The following CSNK2A1 variants were observed in gnomAD, a reference collection of about 807,000 sequenced individuals.
CSNK2A1 encodes the protein casein kinase 2 alpha 1.
CSNK2A1 carries 10 observed loss-of-function variants against 62.9 expected under a neutral mutation model. That is an observed-to-expected ratio of 0.16 (90% CI 0.10 to 0.27). The LOEUF is 0.27. Ranked by LOEUF, CSNK2A1 falls within the 10% of genes least tolerant of loss-of-function variation. The probability of loss-of-function intolerance (pLI) is 1.00; values close to 1 mark genes in which losing one functional copy is unlikely to be tolerated. For synonymous variants in CSNK2A1, 124 were observed against 167.8 expected, an observed-to-expected ratio of 0.74 and a Z score of 2.02; for missense variants, 160 against 492.0, an observed-to-expected ratio of 0.33 and a Z score of 6.38.
chr20:486,284 A>G, intron 13 of CSNK2A1, 92 bp downstream of exon 13: 1 of 1,456,650 alleles, frequency 6.9e-7, no homozygotes, highest in Non-Finnish European at 9.4e-7. Flanking sequence ...ACCAGTACGG[A>G]GAAGAGAAGG....
chr20:492,411 C>T (rs764750061), intron 8 of CSNK2A1, 47 bp from the exon 9 acceptor site: 2 of 1,576,254 alleles, frequency 1.3e-6, no homozygotes, highest in African/African-American at 2.7e-5. Flanking sequence ...TCTAAGCTAC[C>T]CACACTGTGC....
chr20:521,629 T>C (rs1226421866), intron 2 of CSNK2A1, among the ~76,000 whole-genome samples: 3 of 152,226 alleles, frequency 2.0e-5, no homozygotes, highest in African/African-American at 7.2e-5. Flanking sequence ...GCTTTATTCA[T>C]AATTGTGAAA....
At chr20:536,234 TA>T (rs1047225506) in intron 1 of CSNK2A1, among the ~76,000 whole-genome samples, 2 of 151,882 alleles carry the variant, frequency 1.3e-5, no homozygotes, top group African/African-American at 4.8e-5. Flanking sequence ...AAAGTCTCAT[TA>T]AAAAAATAAG....
rs138045657 is a variant in CSNK2A1, at chr20:512,806, T to C, written c.-109-4146A>G. Among the ~76,000 whole-genome samples the C allele has an allele frequency of 6.2e-4, 94 of 152,372 alleles. 1 individual carries two copies. Among genetic ancestry groups the C allele is most frequent in the Middle Eastern group, 3.4e-3 (1 of 294 alleles). On this transcript the variant is annotated intron_variant, in intron 2 of 13. Transcript: ENST00000217244. Reference sequence around the variant, plus strand: ...AGTCTTTAAAATTATTTCTATTTCTTTGATTTTGTAAAACCTGGGTGACAT... The same window carrying C: ...AGTCTTTAAAATTATTTCTATTTCTCTGATTTTGTAAAACCTGGGTGACAT...
chr20:542,149 A>G (rs1031454665), intron 1 of CSNK2A1, among the ~76,000 whole-genome samples: 2 of 152,248 alleles, frequency 1.3e-5, no homozygotes, highest in African/African-American at 4.8e-5. Flanking sequence ...TTACAGTGAC[A>G]GGTAAAAGCT....
intron 2 of CSNK2A1, among the ~76,000 whole-genome samples, chr20:513,839 A>T (rs2018773634): frequency 6.6e-6 from 1 of 152,216 alleles, no homozygotes; most frequent in East Asian, 1.9e-4. Context: ...TGGGAAGACA[A>T]CAAGCTAACT....
chr20:519,508 G>A (rs1275406952), intron 2 of CSNK2A1, among the ~76,000 whole-genome samples: 3 of 152,226 alleles, frequency 2.0e-5, no homozygotes, highest in Non-Finnish European at 2.9e-5. Flanking sequence ...GTGCCCAGGA[G>A]TTGGAGGCCA....
Position 482,416 on chromosome 20 carries a change from A to T in CSNK2A1, c.*1545T>A, listed in dbSNP as rs1039027622. On this transcript the variant is annotated 3_prime_UTR_variant, in exon 14 of 14. Transcript: ENST00000217244. ...AAGTCCACTTTACACACACACACAA[A>T]CACACAAAAACTGGCGACTTTTTCC... The T allele has an allele frequency of 2.6e-5, 4 of 152,220 alleles. No homozygotes were observed. Among genetic ancestry groups the T allele is most frequent in the Non-Finnish European group, 5.9e-5 (4 of 68,054 alleles). 9.4% of individuals were successfully genotyped at this position (152,220 alleles called of 1,614,324 possible).
chr20:495,641 C>T lies in CSNK2A1; in HGVS notation c.510+78G>A, dbSNP rs157816. 0.39 allele frequency: 498,790 copies of T among 1,266,704 alleles called. 105,012 individuals are homozygous for T. Among genetic ancestry groups the T allele is most frequent in the East Asian group, 0.73 (31,491 of 43,012 alleles). 78.5% of individuals were successfully genotyped at this position (1,266,704 alleles called of 1,614,324 possible). ...GAATAGGTACTAGGGCCTGTGACAA[C>T]ACAAGGGATAAAGTGTTGAAGATGG... On this transcript the variant is annotated intron_variant, in intron 8 of 13. Coordinates refer to ENST00000217244, the MANE Select transcript of CSNK2A1 (RefSeq NM_177559.3).
At chr20:523,866 A>AAAAAAAAACAAAAAAACAAAAAAACAAAC (rs2019005007) in intron 2 of CSNK2A1, among the ~76,000 whole-genome samples, 3 of 142,336 alleles carry the variant, frequency 2.1e-5, no homozygotes, top group African/African-American at 7.8e-5. Flanking sequence ...CTCAAAAAAA[A>AAAAAAAAACAAAAAAACAAAAAAACAAAC]AAAAAAAAAA....
At chr20:537,742 A>T (rs757960891) in intron 1 of CSNK2A1, among the ~76,000 whole-genome samples, 4 of 152,192 alleles carry the variant, frequency 2.6e-5, no homozygotes, top group Non-Finnish European at 5.9e-5. Flanking sequence ...TAATACTCTC[A>T]TGAAACAAAC....
chr20:484,578 G>A (rs527742982), intron 13 of CSNK2A1, among the ~76,000 whole-genome samples: 2 of 152,308 alleles, frequency 1.3e-5, no homozygotes, highest in South Asian at 4.1e-4. Flanking sequence ...CTTGATAGCT[G>A]GCAGCTTTCA....
chr20:505,249 G>T lies in CSNK2A1; in HGVS notation c.102-20C>A, dbSNP rs2018550355. The T allele has an allele frequency of 6.3e-7, 1 of 1,585,326 alleles. No individual in the cohort carries two copies. Among genetic ancestry groups the T allele is most frequent in the South Asian group, 1.1e-5 (1 of 89,580 alleles). On this transcript the variant is annotated intron_variant, in intron 3 of 13. Transcript: ENST00000217244. Reference sequence around the variant, plus strand: ...TGATTTCTGTGGACACAAACAAAATGACTTATAAACGGTCAAATTATCAGC... The same window carrying T: ...TGATTTCTGTGGACACAAACAAAATTACTTATAAACGGTCAAATTATCAGC...
At chr20:529,188 C>A (rs1037547703) in intron 1 of CSNK2A1, among the ~76,000 whole-genome samples, 1 of 130,598 alleles carries the variant, frequency 7.7e-6, no homozygotes, top group Non-Finnish European at 1.7e-5. Flanking sequence ...CCACTCCTGG[C>A]TATTTTTTTT....
At chr20:485,109 A>AATATACATATATATATATAT (rs2018062471) in intron 13 of CSNK2A1, among the ~76,000 whole-genome samples, 1 of 24,666 alleles carries the variant, frequency 4.1e-5, no homozygotes, top group African/African-American at 1.4e-4. Flanking sequence ...AAAAAAAAAA[A>AATATACATATATATATATAT]ATATATATAT....
intron 1 of CSNK2A1, among the ~76,000 whole-genome samples, chr20:537,178 C>G (rs1266105127): frequency 1.3e-5 from 2 of 152,100 alleles, no homozygotes; most frequent in African/African-American, 4.8e-5. Context: ...AAGAAAAGAG[C>G]AGCCAATATA....
chr20:522,278 G>A (rs1040048447), intron 2 of CSNK2A1, among the ~76,000 whole-genome samples: 1 of 152,220 alleles, frequency 6.6e-6, no homozygotes, highest in African/African-American at 2.4e-5. Context: ...TGGAAAGGGA[G>A]AAATAGCAAC....
chr20:500,311 G>A (rs952486804), intron 4 of CSNK2A1: 1 of 199,682 alleles, frequency 5.0e-6, no homozygotes, highest in Non-Finnish European at 1.0e-5. Context: ...TTATCAATTA[G>A]GATGAAACAT....
rs770467681 is a variant in CSNK2A1 at position 489,615 on chromosome 20, G to T, written c.723+165C>A. 4.2e-4 allele frequency: 200 copies of T among 473,596 alleles called. 1 individual carries two copies. The highest frequency in any genetic ancestry group is 6.8e-4 in the Non-Finnish European group (184 of 268,910). 29.3% of individuals were successfully genotyped at this position (473,596 alleles called of 1,614,324 possible). ...TAAGCAATGCAAATGACAAAGACTA[G>T]GGGGGAATGTCTGATTTCAAAAGGC... On this transcript the variant is annotated intron_variant, in intron 10 of 13. Transcript: ENST00000217244.
Sources: allele counts gnomAD v4.1 joint callset (sites outside exome capture counted in the v4.1 genomes callset), GRCh38; gene constraint gnomAD v4.1.1; transcripts MANE v1.5; gene names NCBI Gene and HGNC (gene_info 2026-07-23, HGNC 2026-07-21).